DNAH6: variants seen among roughly 807,000 people sequenced by gnomAD.
DNAH6 encodes the protein dynein axonemal heavy chain 6, also known as axonemal beta dynein heavy chain 6.
DNAH6 carries 340 observed loss-of-function variants against 491.4 expected under a neutral mutation model. The ratio of observed to expected loss-of-function variants is 0.69; its 90% CI spans 0.63 to 0.76. The LOEUF is 0.76. DNAH6 is among the 30% of genes least tolerant of loss of function. The pLI is 0.00. For synonymous variants in DNAH6, 1,603 were observed against 1,686.1 expected (o/e 0.95, Z 1.21); for missense variants, 4,443 against 4,972.2 (o/e 0.89, Z 3.20).
chr2:84,712,154 T>C (rs1697104993), intron 56 of DNAH6, among the ~76,000 whole-genome samples: 2 of 152,252 alleles, frequency 1.3e-5, no homozygotes, highest in African/African-American at 2.4e-5. Flanking sequence ...ATTCAAACTT[T>C]GTCTCCACCC....
chr2:84,663,615 G>A lies in DNAH6; in HGVS notation c.6084+4446G>A, dbSNP rs994364818. On this transcript the variant is annotated intron_variant, in intron 37 of 76. Coordinates refer to ENST00000389394, the MANE Select transcript of DNAH6 (RefSeq NM_001370.2). ...GACTGTGTGAAAAGACCAAATCTAC[G>A]TCTGATTGGTGTACCTGAAAGTGAC... is the stretch of plus-strand genomic sequence containing the variant. Among the ~76,000 whole-genome samples the A allele has an allele frequency of 3.9e-5, 6 of 152,234 alleles. No individual in the cohort carries two copies. In the East Asian group the frequency reaches 5.8e-4, roughly 15 times the overall value.
At chr2:84,553,072 T>A in intron 10 of DNAH6, 38 bp downstream of exon 10, 1 of 1,262,644 alleles carries the variant, frequency 7.9e-7, no homozygotes, top group Non-Finnish European at 1.1e-6. Context: ...TGCAAGCACC[T>A]ATTTGGAAAA....
intron 76 of DNAH6, 75 bp from the exon 77 acceptor site, chr2:84,819,230 C>T: frequency 9.0e-7 from 1 of 1,107,210 alleles, no homozygotes; most frequent in Non-Finnish European, 1.3e-6. Context: ...TGTCTTGACT[C>T]TTTGTAGCCT....
At chr2:84,665,263 GGA>G (rs1308158426) in intron 37 of DNAH6, among the ~76,000 whole-genome samples, 1 of 152,040 alleles carries the variant, frequency 6.6e-6, no homozygotes, top group Non-Finnish European at 1.5e-5. Context: ...CAGAACTGAA[GGA>G]GAGAGAGACA....
At position 84,771,144 on chromosome 2, in the gene DNAH6, C is replaced by T. The variant is rs151054050; in HGVS notation, c.10703+8199C>T. ...TCTCTACTAAAAGTACAAAATTTGC[C>T]GGGTGTAGTGGTGTATGCCTGTAAT... On this transcript the variant is annotated intron_variant, in intron 64 of 76. Transcript: ENST00000389394. Among the ~76,000 whole-genome samples, 1,108 of 152,046 alleles carry T rather than the reference C, an allele frequency of 7.3e-3. 12 individuals carry two copies. Among genetic ancestry groups the T allele is most frequent in the African/African-American group, 0.024 (1,008 of 41,460 alleles).
chr2:84,478,662 G>A, the DNAH6 span, among the ~76,000 whole-genome samples: 5 of 152,070 alleles, frequency 3.3e-5, no homozygotes, highest in Non-Finnish European at 7.4e-5. Flanking sequence ...AGAGTACCCC[G>A]GGGACCAAGC....
chr2:84,588,841 G>T lies in DNAH6; in HGVS notation c.2497G>T (p.Asp833Tyr), dbSNP rs1474777277. ...KLQAQDPQIL[D>Y]ISADQDKIRL... ...AAATTTATAGGATCCACAGATTTTA[G>T]ATATCTCTGCTGACCAAGACAAAAT... The change falls in exon 16 of 77, where the codon GAT becomes TAT. Residue 833 changes from aspartate to tyrosine, a missense_variant. Physicochemically the swap from Asp to Tyr is radical, Grantham distance 160 (BLOSUM62 -3). This residue lies in a region of DNAH6 where 2,977 missense variants were observed against 3,296.6 expected (regional missense o/e 0.90). Transcript: ENST00000389394. 3.4e-5 allele frequency: 52 copies of T among 1,542,998 alleles called. 1 individual carries two copies. The Admixed American group carries it at 1.1e-3, about 31-fold the overall frequency.
intron 63 of DNAH6, chr2:84,750,786 G>C (rs1673399855): frequency 6.6e-6 from 1 of 152,126 alleles, no homozygotes; most frequent in African/African-American, 2.4e-5. Context: ...TAACATAGCT[G>C]TCCACATGTG....
At chr2:84,511,346 C>T in the DNAH6 span, among the ~76,000 whole-genome samples, 3 of 152,226 alleles carry the variant, frequency 2.0e-5, no homozygotes, top group Non-Finnish European at 2.9e-5. Flanking sequence ...ATGAGTGAGG[C>T]TCCATGGGCA....
chr2:84,634,765 G>C (rs1688719661), intron 30 of DNAH6, 124 bp downstream of exon 30: 1 of 1,205,474 alleles, frequency 8.3e-7, no homozygotes, highest in African/African-American at 1.6e-5. Flanking sequence ...GAGCCCAAGG[G>C]GACCTTGGCT....
At chr2:84,691,756 A>G (rs1260153757) in intron 45 of DNAH6, among the ~76,000 whole-genome samples, 1 of 152,268 alleles carries the variant, frequency 6.6e-6, no homozygotes, top group Non-Finnish European at 1.5e-5. Context: ...GGATTTTCAC[A>G]TATCATGAAA....
chr2:84,569,880 G>A (rs1049668651), intron 11 of DNAH6, among the ~76,000 whole-genome samples: 1 of 152,188 alleles, frequency 6.6e-6, no homozygotes, highest in East Asian at 1.9e-4. Flanking sequence ...CATTGGAATA[G>A]AGTTGTGAAC....
At chr2:84,700,975 T>G in intron 48 of DNAH6, 122 bp from the exon 49 acceptor site, 1 of 1,130,726 alleles carries the variant, frequency 8.8e-7, no homozygotes, top group Non-Finnish European at 1.2e-6. Flanking sequence ...TGAGTAGGAG[T>G]TAACTAGGTG....
At chr2:84,571,105 A>G (rs943524691) in intron 11 of DNAH6, among the ~76,000 whole-genome samples, 2 of 152,244 alleles carry the variant, frequency 1.3e-5, no homozygotes, top group African/African-American at 4.8e-5. Context: ...AAATGAGAAT[A>G]TATGAGTCCA....
rs192939309 is a variant in DNAH6, at chr2:84,560,518, T to A, written c.1803+2583T>A. On this transcript the variant is annotated intron_variant, in intron 11 of 76. Coordinates refer to ENST00000389394, the MANE Select transcript of DNAH6 (RefSeq NM_001370.2). ...TACATGTGCACAATGTGCAGGTTAG[T>A]TACATATGTATACATGTGCCATGCT... is the stretch of plus-strand genomic sequence containing the variant. 8.7e-3 allele frequency among the ~76,000 whole-genome samples: 1,321 copies of A among 151,898 alleles called. 12 individuals carry two copies. The highest frequency in any genetic ancestry group is 0.03 in the African/African-American group (1,240 of 41,358).
intron 70 of DNAH6, among the ~76,000 whole-genome samples, chr2:84,798,921 A>G (rs1678606795): frequency 6.6e-6 from 1 of 151,888 alleles, no homozygotes; most frequent in Non-Finnish European, 1.5e-5. Flanking sequence ...GTAGGGGAAC[A>G]CAAGGAAGAA....
chr2:84,790,342 A>C (rs1013803085), intron 68 of DNAH6, among the ~76,000 whole-genome samples: 1 of 152,244 alleles, frequency 6.6e-6, no homozygotes, highest in Non-Finnish European at 1.5e-5. Flanking sequence ...ATTTGGGGTT[A>C]GTCACTGACT....
intron 74 of DNAH6, 98 bp from the exon 75 acceptor site, chr2:84,813,873 T>C: frequency 1.6e-6 from 2 of 1,257,516 alleles, no homozygotes; most frequent in Non-Finnish European, 2.2e-6. Flanking sequence ...GTGGGAAGGC[T>C]CTCTAATGCC....
At chr2:84,781,315 CATGG>C (rs1179342104) in intron 64 of DNAH6, among the ~76,000 whole-genome samples, 174 bp from the exon 65 acceptor site, 3 of 152,022 alleles carry the variant, frequency 2.0e-5, no homozygotes, top group Admixed American at 1.3e-4. Context: ...CTATGTGGGT[CATGG>C]TAAAAATATT....
Sources: gnomAD v4.1 joint callset for allele counts (sites outside exome capture counted in the v4.1 genomes callset) on GRCh38, gnomAD v4.1.1 for gene constraint, gnomAD v4.1.1 regional missense constraint, MANE v1.5 for transcripts, NCBI Gene and HGNC (gene_info 2026-07-23, HGNC 2026-07-21) for gene names.